Variants in MEF2A observed in about 807,000 individuals in gnomAD.
The protein encoded by MEF2A is myocyte-specific enhancer factor 2A.
In MEF2A, 28 loss-of-function variants were observed where a neutral mutation model predicts 55.8. The ratio of observed to expected loss-of-function variants is 0.50; its 90% CI spans 0.37 to 0.69. The LOEUF is 0.69. Among genes scored for constraint, MEF2A ranks in the 30% least tolerant of loss-of-function variants. MEF2A has a pLI of 0.00. For synonymous variants in MEF2A, 239 were observed against 227.1 expected (o/e 1.05, Z -0.47); for missense variants, 528 against 626.2 (o/e 0.84, Z 1.67).
chr15:99,689,410 C>T (rs972828665), intron 7 of MEF2A, among the ~76,000 whole-genome samples: 1 of 152,188 alleles, frequency 6.6e-6, no homozygotes, highest in African/African-American at 2.4e-5. Context: ...AGGCTGGTCT[C>T]AGACATTTTT....
intron 3 of MEF2A, among the ~76,000 whole-genome samples, chr15:99,636,337 C>T (rs921026294): frequency 8.5e-5 from 13 of 152,074 alleles, no homozygotes; most frequent in Non-Finnish European, 1.8e-4. Flanking sequence ...CTTGCCTTTT[C>T]ACTTTCTTTT....
At chr15:99,700,524 AAG>A (rs1446145868) in intron 8 of MEF2A, among the ~76,000 whole-genome samples, 1 of 152,054 alleles carries the variant, frequency 6.6e-6, no homozygotes, top group African/African-American at 2.4e-5. Context: ...ACACACAAAA[AAG>A]GTACAGTTGT....
At chr15:99,683,896 A>G (rs1010944370) in intron 7 of MEF2A, among the ~76,000 whole-genome samples, 1 of 151,952 alleles carries the variant, frequency 6.6e-6, no homozygotes, top group African/African-American at 2.4e-5. Flanking sequence ...AGTCCATTGT[A>G]TCATTCTTAT....
intron 4 of MEF2A, among the ~76,000 whole-genome samples, chr15:99,650,925 C>T (rs1474111995): frequency 2.0e-5 from 3 of 152,098 alleles, no homozygotes; most frequent in Admixed American, 6.6e-5. Flanking sequence ...ATTAACTTGC[C>T]TTAAGTGCAG....
chr15:99,665,182 A>C (rs2049363894), intron 4 of MEF2A, among the ~76,000 whole-genome samples: 1 of 152,220 alleles, frequency 6.6e-6, no homozygotes, highest in East Asian at 1.9e-4. Flanking sequence ...AGTGGATGTA[A>C]CTAACCTAAA....
chr15:99,664,226 T>A (rs1435935943), intron 4 of MEF2A, among the ~76,000 whole-genome samples: 1 of 152,222 alleles, frequency 6.6e-6, no homozygotes, highest in East Asian at 1.9e-4. Context: ...TTCTTCCTCA[T>A]GCTTCTTTGA....
At chr15:99,701,366 C>G (rs1362574430) in intron 8 of MEF2A, among the ~76,000 whole-genome samples, 2 of 152,124 alleles carry the variant, frequency 1.3e-5, no homozygotes, top group African/African-American at 2.4e-5. Flanking sequence ...GATAACTGAT[C>G]AGCACTCTTT....
intron 8 of MEF2A, among the ~76,000 whole-genome samples, chr15:99,694,102 T>A (rs2056012028): frequency 6.6e-6 from 1 of 152,252 alleles, no homozygotes; most frequent in East Asian, 1.9e-4. Context: ...CCACATTATA[T>A]TTAGCAATCA....
intron 2 of MEF2A, among the ~76,000 whole-genome samples, chr15:99,604,924 C>G (rs553731227): frequency 6.6e-6 from 1 of 152,250 alleles, no homozygotes; most frequent in South Asian, 2.1e-4. Context: ...TAATCCCAAA[C>G]AATATTCCAA....
At chr15:99,591,261 T>A (rs1377677855) in intron 1 of MEF2A, among the ~76,000 whole-genome samples, 1 of 152,224 alleles carries the variant, frequency 6.6e-6, no homozygotes, top group Non-Finnish European at 1.5e-5. Flanking sequence ...AATGTCTTTA[T>A]TTCCCCTTTA....
intron 1 of MEF2A, among the ~76,000 whole-genome samples, chr15:99,581,706 T>C (rs1965987248): frequency 6.6e-6 from 1 of 152,160 alleles, no homozygotes; most frequent in Non-Finnish European, 1.5e-5. Flanking sequence ...TCTTTGCTTC[T>C]AGGAGGTAAT....
rs2045845090 is a variant in MEF2A at position 99,645,668 on chromosome 15, G to A, written c.162G>A (p.Leu54=). The change falls in exon 4 of 12, where the codon CTG becomes CTA. Residue 54 remains leucine, a synonymous_variant. Transcript: ENST00000557942. ...TCATTTTCAACAGCTCTAACAAACT[G>A]TTTCAATATGCTAGCACTGATATGG... ...ALIIFNSSNK[L]FQYASTDMDK... is the part of the protein sequence containing the mutation. 6.2e-7 allele frequency: 1 copy of A among 1,613,610 alleles called. No homozygotes were observed.
intron 3 of MEF2A, among the ~76,000 whole-genome samples, chr15:99,636,021 A>G (rs2043767531): frequency 6.6e-6 from 1 of 152,148 alleles, no homozygotes; most frequent in African/African-American, 2.4e-5. Flanking sequence ...CTCTGCTGGC[A>G]GAGTGTAAGA....
At chr15:99,711,875 C>T (rs566909566) in intron 11 of MEF2A, among the ~76,000 whole-genome samples, 1 of 152,350 alleles carries the variant, frequency 6.6e-6, no homozygotes, top group East Asian at 1.9e-4. Context: ...AGAGCCCAGG[C>T]CCGGGGAACA....
chr15:99,673,144 A>G (rs1430281230), intron 5 of MEF2A, among the ~76,000 whole-genome samples: 4 of 152,200 alleles, frequency 2.6e-5, no homozygotes, highest in African/African-American at 7.2e-5. Flanking sequence ...GGAATTCTCT[A>G]TGGCATCATG....
At chr15:99,580,731 C>G (rs909150123) in intron 1 of MEF2A, among the ~76,000 whole-genome samples, 1 of 152,128 alleles carries the variant, frequency 6.6e-6, no homozygotes, top group Non-Finnish European at 1.5e-5. Context: ...TCCTTTGGTA[C>G]TTTTTATTCC....
chr15:99,703,907 G>A (rs1303619394), intron 9 of MEF2A, among the ~76,000 whole-genome samples: 1 of 152,196 alleles, frequency 6.6e-6, no homozygotes, highest in Non-Finnish European at 1.5e-5. Context: ...GTAATTGAAT[G>A]TGTATATAAG....
chr15:99,625,613 T>C (rs184166296), intron 2 of MEF2A, among the ~76,000 whole-genome samples: 3 of 152,248 alleles, frequency 2.0e-5, no homozygotes, highest in African/African-American at 7.2e-5. Context: ...CTGTGGAATT[T>C]TTATATATAG....
In MEF2A at chr15:99,596,072, A is replaced by G. The variant is rs138081585; in HGVS notation, c.-224-2358A>G. 3.0e-3 allele frequency among the ~76,000 whole-genome samples: 455 copies of G among 152,308 alleles called. 3 individuals carry two copies. The highest frequency in any genetic ancestry group is 0.01 in the African/African-American group (426 of 41,558). ...TCTCATTACAGATTATTGTAAAATA[A>G]CTATAAAAACTTGATTTTTTACAGT... On this transcript the variant is annotated intron_variant, in intron 1 of 11. Transcript: ENST00000557942.
Sources: gnomAD v4.1 joint callset for allele counts (sites outside exome capture counted in the v4.1 genomes callset) on GRCh38, gnomAD v4.1.1 for gene constraint, MANE v1.5 for transcripts, NCBI Gene and HGNC (gene_info 2026-07-23, HGNC 2026-07-21) for gene names.